The following KLF12 variants were observed in gnomAD, a reference collection of about 807,000 sequenced individuals.
KLF12 encodes Krueppel-like factor 12.
In KLF12, 9 loss-of-function variants were observed where a neutral mutation model predicts 37.8. The observed-to-expected ratio is 0.24, with a 90% CI of 0.14 to 0.42. KLF12 has a LOEUF of 0.42. Ranked by LOEUF, KLF12 falls within the 10% of genes least tolerant of loss-of-function variation. The probability of loss-of-function intolerance (pLI) is 1.00; values close to 1 mark genes in which losing one functional copy is unlikely to be tolerated. For synonymous variants in KLF12, 208 were observed against 202.1 expected (o/e 1.03, Z -0.25); for missense variants, 411 against 516.0 (o/e 0.80, Z 1.97).
At chr13:73,907,138 G>A (rs1463885061) in intron 3 of KLF12, among the ~76,000 whole-genome samples, 5 of 152,054 alleles carry the variant, frequency 3.3e-5, no homozygotes, top group African/African-American at 1.2e-4. Flanking sequence ...ATACATCATT[G>A]AATGCAAAGT....
At chr13:74,215,986 T>C in the KLF12 span, among the ~76,000 whole-genome samples, 1 of 152,196 alleles carries the variant, frequency 6.6e-6, no homozygotes, top group African/African-American at 2.4e-5. Flanking sequence ...GTAGAGAGAA[T>C]ATGGAGTGCA....
chr13:74,241,930 G>T, the KLF12 span, among the ~76,000 whole-genome samples: 1 of 152,324 alleles, frequency 6.6e-6, no homozygotes, highest in Non-Finnish European at 1.5e-5. Context: ...TGGAGCTGTA[G>T]ACCGGAGCTG....
intron 2 of KLF12, among the ~76,000 whole-genome samples, chr13:73,957,015 A>G (rs866716859): frequency 5.7e-5 from 5 of 87,460 alleles, no homozygotes; most frequent in East Asian, 2.6e-4. Flanking sequence ...GGAAAGGAAA[A>G]GAAAGGAAAG....
In KLF12 at chr13:73,843,795, T is replaced by C. The variant is rs118136910; in HGVS notation, c.670+2032A>G. Reference sequence around the variant, plus strand: ...CCAAATCTCATATTCCTAATGACCATAGCACAATCTGCAGGGTTTATACTT... The same window carrying C: ...CCAAATCTCATATTCCTAATGACCACAGCACAATCTGCAGGGTTTATACTT... On this transcript the variant is annotated intron_variant, in intron 4 of 7. Coordinates refer to ENST00000377669, the MANE Select transcript of KLF12 (RefSeq NM_007249.5). 8.5e-5 allele frequency among the ~76,000 whole-genome samples: 13 copies of C among 152,330 alleles called. No homozygotes were observed. In the East Asian group the frequency reaches 2.3e-3, roughly 27 times the overall value.
At chr13:73,707,690 G>C (rs957635831) in intron 7 of KLF12, among the ~76,000 whole-genome samples, 12 of 152,220 alleles carry the variant, frequency 7.9e-5, no homozygotes, top group African/African-American at 2.9e-4. Context: ...GCACTCACTC[G>C]TCTGAAGTTA....
intron 2 of KLF12, among the ~76,000 whole-genome samples, chr13:73,992,225 A>G (rs1323936014): frequency 6.6e-6 from 1 of 152,224 alleles, no homozygotes; most frequent in Non-Finnish European, 1.5e-5. Context: ...GGTCCACAAC[A>G]AGCCACCATA....
intron 1 of KLF12, among the ~76,000 whole-genome samples, chr13:74,042,084 A>T (rs188229076): frequency 1.8e-4 from 28 of 152,158 alleles, no homozygotes; most frequent in African/African-American, 6.3e-4. Flanking sequence ...TGGGTGGATC[A>T]CTTTAGGTGA....
chr13:74,237,882 C>A, the KLF12 span, among the ~76,000 whole-genome samples: 1 of 152,234 alleles, frequency 6.6e-6, no homozygotes, highest in Admixed American at 6.5e-5. Flanking sequence ...ATGTGGTCTG[C>A]AAAGAGGGAC....
intron 4 of KLF12, among the ~76,000 whole-genome samples, chr13:73,817,812 C>T (rs1226316136): frequency 1.3e-5 from 2 of 152,226 alleles, no homozygotes; most frequent in African/African-American, 4.8e-5. Context: ...ATATAATCTG[C>T]ATATGCCGTA....
chr13:74,018,261 G>T (rs1202676576), intron 1 of KLF12, among the ~76,000 whole-genome samples: 1 of 152,102 alleles, frequency 6.6e-6, no homozygotes, highest in East Asian at 1.9e-4. Context: ...TTAAAAAGTT[G>T]ATTTCATTAG....
intron 6 of KLF12, among the ~76,000 whole-genome samples, chr13:73,742,132 G>A (rs1878042503): frequency 6.6e-6 from 1 of 152,044 alleles, no homozygotes; most frequent in African/African-American, 2.4e-5. Flanking sequence ...AAAATGCAGA[G>A]TATTTAGAGA....
chr13:73,976,487 G>C (rs1891525708), intron 2 of KLF12, among the ~76,000 whole-genome samples: 1 of 152,036 alleles, frequency 6.6e-6, no homozygotes, highest in African/African-American at 2.4e-5. Context: ...CTCTATGTCA[G>C]GTGTTAACAC....
At chr13:74,224,715 A>G in the KLF12 span, among the ~76,000 whole-genome samples, 1 of 152,136 alleles carries the variant, frequency 6.6e-6, no homozygotes, top group Non-Finnish European at 1.5e-5. Flanking sequence ...CTTCCTCTCA[A>G]ACTGTCTTAT....
intron 3 of KLF12, among the ~76,000 whole-genome samples, chr13:73,908,389 G>A (rs775691159): frequency 3.1e-5 from 4 of 129,160 alleles, no homozygotes; most frequent in Non-Finnish European, 5.0e-5. Context: ...GTGACAGAGC[G>A]AGACTCTGTC....
At chr13:74,170,967 G>T in the KLF12 span, among the ~76,000 whole-genome samples, 1 of 152,094 alleles carries the variant, frequency 6.6e-6, no homozygotes, top group Non-Finnish European at 1.5e-5. Flanking sequence ...CTTTCACCAT[G>T]TTGGCCAGGC....
At chr13:73,984,768 G>T (rs1206517571) in intron 2 of KLF12, among the ~76,000 whole-genome samples, 1 of 152,192 alleles carries the variant, frequency 6.6e-6, no homozygotes, top group African/African-American at 2.4e-5. Context: ...ACCAGAACTA[G>T]TTCCAGAAAA....
intron 6 of KLF12, among the ~76,000 whole-genome samples, chr13:73,756,531 A>C (rs1879178267): frequency 6.6e-6 from 1 of 152,196 alleles, no homozygotes; most frequent in African/African-American, 2.4e-5. Flanking sequence ...GAGTGCTTTC[A>C]CTTTCTAAAA....
At chr13:74,213,484 A>AT in the KLF12 span, among the ~76,000 whole-genome samples, 9 of 151,794 alleles carry the variant, frequency 5.9e-5, no homozygotes, top group South Asian at 2.1e-4. Flanking sequence ...AATTGTATCA[A>AT]TTTTTTTTGG....
At chr13:74,116,398 A>G (rs957985223) in intron 1 of KLF12, among the ~76,000 whole-genome samples, 6 of 152,224 alleles carry the variant, frequency 3.9e-5, no homozygotes, top group African/African-American at 1.4e-4. Context: ...CGTGGCCATG[A>G]ACATTTTACA....
Sources: allele counts gnomAD v4.1 joint callset (sites outside exome capture counted in the v4.1 genomes callset), GRCh38; gene constraint gnomAD v4.1.1; transcripts MANE v1.5; gene names NCBI Gene and HGNC (gene_info 2026-07-23, HGNC 2026-07-21).